The following BPIFA1 variants were observed in gnomAD, a reference collection of about 807,000 sequenced individuals.
BPIFA1 encodes BPI fold-containing family A member 1.
BPIFA1 carries 24 observed loss-of-function variants against 25.1 expected under a neutral mutation model. The ratio of observed to expected loss-of-function variants is 0.96; its 90% CI spans 0.69 to 1.35. The LOEUF is 1.35. Ranked by LOEUF, BPIFA1 falls within the 40% of genes most tolerant of loss-of-function variation. BPIFA1 has a pLI of 0.00. For synonymous variants in BPIFA1, 139 were observed against 131.8 expected (o/e 1.05, Z -0.37); for missense variants, 344 against 303.7 (o/e 1.13, Z -0.99).
intron 1 of BPIFA1, 119 bp from the exon 2 acceptor site, chr20:33,237,578 C>G: frequency 5.4e-6 from 4 of 737,456 alleles, no homozygotes; most frequent in Non-Finnish European, 8.0e-6. Flanking sequence ...TTAGCTATTA[C>G]TAGTGACCCC....
chr20:33,238,147 G>A lies in BPIFA1; in HGVS notation c.253G>A (p.Gly85Ser). Residue 85 changes from glycine (G) to serine (S), a missense_variant, in exon 3 of 9, where the codon GGT becomes AGT. Coordinates refer to ENST00000354297, the MANE Select transcript of BPIFA1 (RefSeq NM_130852.3). ...DILKPGGGTS[G>S]GLLGGLLGKV... Reference sequence around the variant, plus strand: ...CCTGAAGCCTGGAGGAGGTACTTCTGGTGGCCTCCTTGGGGGACTGCTTGG... The same window carrying A: ...CCTGAAGCCTGGAGGAGGTACTTCTAGTGGCCTCCTTGGGGGACTGCTTGG... 1 of 1,613,950 alleles carries A rather than the reference G, an allele frequency of 6.2e-7. No individual in the cohort carries two copies. The highest frequency in any genetic ancestry group is 8.5e-7 in the Non-Finnish European group (1 of 1,179,928).
intron 5 of BPIFA1, 88 bp downstream of exon 5, chr20:33,240,473 T>G: frequency 6.7e-7 from 1 of 1,494,026 alleles, no homozygotes; most frequent in Non-Finnish European, 9.1e-7. Context: ...AATGAGAGAA[T>G]AGATGAGTGA....
At position 33,236,012 on chromosome 20, in the gene BPIFA1, G is replaced by GGAGACCA. The variant is rs1293318574; in HGVS notation, c.-52_-46dup. ...GGCAGAAGTGAGTGGGGGAGAGAGA[G>GGAGACCA]GAGACCAGGACAGCTGCTGAGACCT... is the stretch of plus-strand genomic sequence containing the variant. On this transcript the variant is annotated 5_prime_UTR_variant, in exon 1 of 9. Coordinates refer to ENST00000354297, the MANE Select transcript of BPIFA1 (RefSeq NM_130852.3). 4 of 152,196 alleles carry GGAGACCA rather than the reference G, an allele frequency of 2.6e-5. No homozygotes were observed. The highest frequency in any genetic ancestry group is 5.9e-5 in the Non-Finnish European group (4 of 68,082). The allele number at this position is 152,196 out of a possible 1,614,324, so 9.4% of individuals were successfully genotyped here. A position where few individuals can be genotyped will look rare whatever the true frequency, so the allele number is the denominator to read the frequency against.
chr20:33,240,035 G>C (rs147665868), intron 4 of BPIFA1, 125 bp downstream of exon 4: 20 of 1,325,990 alleles, frequency 1.5e-5, no homozygotes, highest in African/African-American at 2.9e-5. Flanking sequence ...CTCATTTGCT[G>C]CTATGCTAAG....
chr20:33,242,214 C>T, intron 7 of BPIFA1, 95 bp downstream of exon 7: 1 of 1,271,910 alleles, frequency 7.9e-7, no homozygotes, highest in Admixed American at 1.8e-5. Context: ...ATACTAGGTC[C>T]CTCTGGCCTC....
Position 33,238,325 on chromosome 20 carries a change from G to A in BPIFA1, c.320+111G>A, listed in dbSNP as rs1321418. The A allele has an allele frequency of 1.9e-3, 2,350 of 1,248,710 alleles. 32 individuals are homozygous for A. The African/African-American group carries it at 0.029, about 15-fold the overall frequency. The allele number at this position is 1,248,710 out of a possible 1,614,324, so 77.4% of individuals were successfully genotyped here. ...GCGACCCTGAAGCAGCGAGGGAGCG[G>A]CCTGAAGATGGAGCCAGGACTCAGT... On this transcript the variant is annotated intron_variant, in intron 3 of 8. Coordinates refer to ENST00000354297, the MANE Select transcript of BPIFA1 (RefSeq NM_130852.3).
chr20:33,238,955 T>C (rs1978827139), intron 3 of BPIFA1, among the ~76,000 whole-genome samples: 1 of 152,190 alleles, frequency 6.6e-6, no homozygotes, highest in Non-Finnish European at 1.5e-5. Flanking sequence ...TTGGATGACC[T>C]GGGACAGGAC....
Position 33,237,798 on chromosome 20 carries a change from C to A in BPIFA1, c.87C>A (p.Asp29Glu). ...TTGGAGGCCTGCCCGTGCCCCTGGA[C>A]CAGACCCTGCCCTTGAATGTGAATC... is the stretch of plus-strand genomic sequence containing the variant. Reference protein sequence around the residue: ...AQFGGLPVPLDQTLPLNVNPA... With the variant: ...AQFGGLPVPLEQTLPLNVNPA... The change falls in exon 2 of 9, where the codon GAC becomes GAA. Residue 29 changes from aspartate (D) to glutamate (E), a missense_variant. Coordinates refer to ENST00000354297, the MANE Select transcript of BPIFA1 (RefSeq NM_130852.3). The A allele has an allele frequency of 6.2e-7, 1 of 1,603,118 alleles. No individual in the cohort carries two copies. Among genetic ancestry groups the A allele is most frequent in the Admixed American group, 1.7e-5 (1 of 58,640 alleles).
intron 8 of BPIFA1, 35 bp downstream of exon 8, chr20:33,242,596 G>GAA: frequency 6.6e-7 from 1 of 1,521,786 alleles, no homozygotes; most frequent in Non-Finnish European, 9.1e-7. Flanking sequence ...GGGTTTTGGG[G>GAA]GCTGGCTGTT....
At chr20:33,237,152 G>A (rs926092790) in intron 1 of BPIFA1, among the ~76,000 whole-genome samples, 1 of 152,172 alleles carries the variant, frequency 6.6e-6, no homozygotes, top group Non-Finnish European at 1.5e-5. Context: ...TTAACCGAGG[G>A]TTCACCTGGC....
intron 5 of BPIFA1, among the ~76,000 whole-genome samples, chr20:33,240,944 G>A (rs751557078): frequency 2.8e-4 from 42 of 152,296 alleles, no homozygotes; most frequent in Non-Finnish European, 2.6e-4. Flanking sequence ...TAAAATAGAC[G>A]TGGATCCTAA....
Position 33,237,770 on chromosome 20 carries a change from A to G in BPIFA1, c.59A>G (p.Gln20Arg), listed in dbSNP as rs773236309. Residue 20 changes from glutamine to arginine, a missense_variant, in exon 2 of 9, where the codon CAG becomes CGG. Gln to Arg is a conservative substitution (Grantham distance 43, BLOSUM62 1). Transcript: ENST00000354297. ...FYGLLAQTMA[Q>R]FGGLPVPLDQ... is the part of the protein sequence containing the mutation. ...GGGCTGTTAGCCCAGACCATGGCCC[A>G]GTTTGGAGGCCTGCCCGTGCCCCTG... 3 of 1,584,732 alleles carry G rather than the reference A, an allele frequency of 1.9e-6. No individual in the cohort carries two copies. The highest frequency in any genetic ancestry group is 2.6e-6 in the Non-Finnish European group (3 of 1,165,424).
Position 33,240,345 on chromosome 20 carries a change from A to G in BPIFA1, c.541A>G (p.Thr181Ala). ...GATCCACCTGGTCCTTGGTGACTGC[A>G]CCCATTCCCCTGGAAGCCTGCAAAT... ...ERIHLVLGDCTHSPGSLQISL... is the reference protein window; with the variant it reads ...ERIHLVLGDCAHSPGSLQISL... The change falls in exon 5 of 9, where the codon ACC (threonine) becomes GCC (alanine). Residue 181 changes from threonine to alanine, a missense_variant. Physicochemically the swap from Thr to Ala is moderately conservative, Grantham distance 58. Coordinates refer to ENST00000354297, the MANE Select transcript of BPIFA1 (RefSeq NM_130852.3). 6.2e-7 allele frequency: 1 copy of G among 1,614,124 alleles called. No homozygotes were observed. The highest frequency in any genetic ancestry group is 1.7e-5 in the Admixed American group (1 of 60,006).
intron 3 of BPIFA1, among the ~76,000 whole-genome samples, chr20:33,238,681 T>C (rs1428653128): frequency 6.6e-6 from 1 of 152,038 alleles, no homozygotes; most frequent in Non-Finnish European, 1.5e-5. Flanking sequence ...TTAGCGAGAG[T>C]ATAACCTGCC....
In BPIFA1 at chr20:33,241,430, GA is replaced by G; in HGVS notation, c.628del (p.Ile210SerfsTer2). 1 of 1,614,162 alleles carries G rather than the reference GA, an allele frequency of 6.2e-7. No homozygotes were observed. Among genetic ancestry groups the G allele is most frequent in the South Asian group, 1.1e-5 (1 of 91,088 alleles). ...AAGGTCTTCTGGACAGCCTCACAGGGATCTTGAATAAAGTCCTGCCTGAGTT... is the reference window on the plus strand; with the variant it reads ...AAGGTCTTCTGGACAGCCTCACAGGGTCTTGAATAAAGTCCTGCCTGAGTT... ...IQGLLDSLTGILNKVLPELVQ... is the reference protein window; with the variant it reads ...IQGLLDSLTGXLNKVLPELVQ... On this transcript the variant is annotated frameshift_variant, in exon 6 of 9. Transcript: ENST00000354297. LOFTEE classifies it high-confidence loss of function.
chr20:33,239,181 G>T (rs953158842), intron 3 of BPIFA1, among the ~76,000 whole-genome samples: 13 of 152,080 alleles, frequency 8.5e-5, no homozygotes, highest in Non-Finnish European at 1.8e-4. Flanking sequence ...ATGGATGGAT[G>T]GTTGGAAAGA....
chr20:33,240,004 G>C, intron 4 of BPIFA1, 94 bp downstream of exon 4: 1 of 1,412,142 alleles, frequency 7.1e-7, no homozygotes. Context: ...GAGTCTAACA[G>C]ACCTGAGCCT....
Position 33,242,497 on chromosome 20 carries a change from C to T in BPIFA1, c.741C>T (p.Ile247=), listed in dbSNP as rs1424859091. 1 of 1,614,062 alleles carries T rather than the reference C, an allele frequency of 6.2e-7. No homozygotes were observed. The highest frequency in any genetic ancestry group is 1.1e-5 in the South Asian group (1 of 91,076). ...TLVHDIVNML[I]HGLQFVIKV is the part of the protein sequence containing the mutation. The stretch of plus-strand genomic sequence containing the variant: ...TGTTTGTTTGTTTAGACATGCTGAT[C>T]CACGGACTACAGTTTGTCATCAAGG... Residue 247 remains isoleucine (I), a synonymous_variant, in exon 8 of 9, where the codon ATC becomes ATT. Coordinates refer to ENST00000354297, the MANE Select transcript of BPIFA1 (RefSeq NM_130852.3).
chr20:33,239,987 G>T (rs1255459114), intron 4 of BPIFA1, 77 bp downstream of exon 4: 1 of 1,475,636 alleles, frequency 6.8e-7, no homozygotes, highest in Non-Finnish European at 9.5e-7. Flanking sequence ...CCATAACGGG[G>T]GTATTGGAGT....
Sources: allele counts gnomAD v4.1 joint callset (sites outside exome capture counted in the v4.1 genomes callset), GRCh38; gene constraint gnomAD v4.1.1; transcripts MANE v1.5; gene names NCBI Gene and HGNC (gene_info 2026-07-23, HGNC 2026-07-21).